The following ITGAL variants were observed in gnomAD, a reference collection of about 807,000 sequenced individuals.
The protein encoded by ITGAL is integrin subunit alpha L.
Under a neutral mutation model 138.4 loss-of-function variants are expected in ITGAL, and 68 were observed. The ratio of observed to expected loss-of-function variants is 0.49; its 90% CI spans 0.40 to 0.60. The LOEUF (loss-of-function observed/expected upper bound fraction) is 0.60, where lower values mean the gene tolerates loss of function less well. Ranked by LOEUF, ITGAL falls within the 20% of genes least tolerant of loss-of-function variation. The probability of loss-of-function intolerance (pLI) is 0.00; values close to 1 mark genes in which losing one functional copy is unlikely to be tolerated. For synonymous variants in ITGAL, 561 were observed against 584.3 expected (o/e 0.96, Z 0.57); for missense variants, 1,256 against 1,478.6 (o/e 0.85, Z 2.47).
intron 4 of ITGAL, among the ~76,000 whole-genome samples, chr16:30,476,236 G>A (rs2151141680): frequency 6.6e-6 from 1 of 151,556 alleles, no homozygotes; most frequent in East Asian, 1.9e-4. Context: ...GGGCGGCAGA[G>A]TGAAATTCCG....
rs181752314 is a variant in ITGAL, at chr16:30,494,608, C to T, written c.1366-105C>T. The T allele has an allele frequency of 2.2e-6, 3 of 1,373,828 alleles. No individual in the cohort carries two copies. Among genetic ancestry groups the T allele is most frequent in the Non-Finnish European group, 2.9e-6 (3 of 1,022,798 alleles). The allele number at this position is 1,373,828 out of a possible 1,614,324, so 85.1% of individuals were successfully genotyped here. On this transcript the variant is annotated intron_variant, in intron 12 of 30. Transcript: ENST00000356798. This position sits in a 1 kb window ranked among gnomAD's most constrained non-coding sequence, Gnocchi z 4.2. ...ACTAGGGGTGGATCCAAGATTGGAACCTGCATTTGAGGGAGTGGCACAAGA... is the reference window on the plus strand; with the variant it reads ...ACTAGGGGTGGATCCAAGATTGGAATCTGCATTTGAGGGAGTGGCACAAGA...
In ITGAL at chr16:30,494,368, G is replaced by A. The variant is rs1597082229; in HGVS notation, c.1365+5G>A. ...CAGACAATCCATGGGACCCAGGTGC[G>A]CCCAGTCCGAGGGCATCTGCAGACC... On this transcript the variant is annotated splice_donor_5th_base_variant and intron_variant, in intron 12 of 30. Coordinates refer to ENST00000356798, the MANE Select transcript of ITGAL (RefSeq NM_002209.3). The surrounding 1 kb of genome is among the most constrained non-coding windows in gnomAD (Gnocchi z 4.2). 1.9e-6 allele frequency: 3 copies of A among 1,599,274 alleles called. No homozygotes were observed. The highest frequency in any genetic ancestry group is 2.2e-5 in the East Asian group (1 of 44,514).
In ITGAL at chr16:30,481,519, T is replaced by C. The variant is rs1314716686; in HGVS notation, c.657T>C (p.Ala219=). The C allele has an allele frequency of 1.9e-6, 3 of 1,613,620 alleles. 1 individual carries two copies. In the South Asian group the frequency reaches 3.3e-5, roughly 18 times the overall value. Residue 219 remains alanine, a synonymous_variant, in exon 7 of 31, where the codon GCT becomes GCC. Transcript: ENST00000356798. ...ATGTTAAACGGAAGGACCCTGATGC[T>C]CTGCTGAAGCATGTAAAGCACATGT... ...SDYVKRKDPD[A]LLKHVKHMLL...
chr16:30,482,935 T>G (rs1182806590), intron 7 of ITGAL, among the ~76,000 whole-genome samples: 13 of 152,072 alleles, frequency 8.5e-5, no homozygotes, highest in Admixed American at 8.5e-4. Context: ...CAAGCGATCC[T>G]CCTGTCTCAG....
rs377238411 is a variant in ITGAL, at chr16:30,517,692, C to T, written c.3020C>T (p.Pro1007Leu). 66 of 1,613,896 alleles carry T rather than the reference C, an allele frequency of 4.1e-5. No individual in the cohort carries two copies. Among genetic ancestry groups the T allele is most frequent in the Middle Eastern group, 1.6e-4 (1 of 6,082 alleles). ...PCHYEDLERL[P>L]DAAEPCLPGA... The stretch of plus-strand genomic sequence containing the variant: ...CACTATGAGGATCTGGAGAGGCTCC[C>T]GGATGCAGCTGAGGTATGGGCGTGT... The change falls in exon 27 of 31, where the codon CCG becomes CTG. Residue 1007 changes from proline to leucine, a missense_variant. This residue lies in a region of ITGAL where 867 missense variants were observed against 972.5 expected (regional missense o/e 0.89). Transcript: ENST00000356798.
At chr16:30,495,721 T>TCTGG (rs2050789463) in intron 13 of ITGAL, among the ~76,000 whole-genome samples, 1 of 152,068 alleles carries the variant, frequency 6.6e-6, no homozygotes, top group South Asian at 2.1e-4. Context: ...TGGTGGTACA[T>TCTGG]ACCTGTAGTC....
intron 1 of ITGAL, 44 bp from the exon 2 acceptor site, chr16:30,474,152 G>T (rs753780029): frequency 1.5e-5 from 21 of 1,430,696 alleles, no homozygotes; most frequent in Non-Finnish European, 1.5e-5. Context: ...ACGTGCAGGG[G>T]CGGGGGTCCC....
intron 7 of ITGAL, among the ~76,000 whole-genome samples, chr16:30,482,733 T>C (rs1219884610): frequency 6.6e-6 from 1 of 152,098 alleles, no homozygotes; most frequent in Non-Finnish European, 1.5e-5. Flanking sequence ...CAGGTGTTCA[T>C]GGGTAAGACG....
chr16:30,475,734 CTTTTTTT>C (rs35994365), intron 4 of ITGAL, among the ~76,000 whole-genome samples, 154 bp downstream of exon 4: 5 of 81,308 alleles, frequency 6.1e-5, no homozygotes, highest in Non-Finnish European at 9.7e-5. Flanking sequence ...ATGAACCAGC[CTTTTTTT>C]TTTTTTTTTT....
chr16:30,481,461 C>T lies in ITGAL; in HGVS notation c.599C>T (p.Thr200Ile), dbSNP rs943745977. ...SYQFAAVQFS[T>I]SYKTEFDFSD... ...TAGTTTGCTGCTGTTCAGTTTTCCA[C>T]AAGCTACAAAACAGAATTTGATTTC... Residue 200 changes from threonine (T) to isoleucine (I), a missense_variant, in exon 7 of 31, where the codon ACA (threonine) becomes ATA (isoleucine). Transcript: ENST00000356798. The T allele has an allele frequency of 1.2e-6, 2 of 1,610,960 alleles. No homozygotes were observed. Among genetic ancestry groups the T allele is most frequent in the Non-Finnish European group, 1.7e-6 (2 of 1,178,520 alleles).
intron 9 of ITGAL, chr16:30,488,783 C>G (rs1288969218): frequency 2.5e-6 from 1 of 407,178 alleles, no homozygotes; most frequent in South Asian, 2.3e-5. Flanking sequence ...AGGCTAAGCC[C>G]GGAGGGTTGC....
chr16:30,517,188 G>A (rs1347436973), intron 26 of ITGAL, 102 bp downstream of exon 26: 1 of 763,452 alleles, frequency 1.3e-6, no homozygotes, highest in Non-Finnish European at 2.2e-6. Flanking sequence ...CGGTGGCTCT[G>A]CCTCCCAAAT....
chr16:30,484,716 C>T (rs753068019), intron 9 of ITGAL, among the ~76,000 whole-genome samples: 15 of 151,162 alleles, frequency 9.9e-5, no homozygotes, highest in South Asian at 2.1e-4. Context: ...GTCAGGAGTT[C>T]GAGACCAGCC....
chr16:30,478,985 G>A (rs1597064469), intron 4 of ITGAL, 106 bp from the exon 5 acceptor site: 3 of 817,354 alleles, frequency 3.7e-6, no homozygotes, highest in African/African-American at 3.4e-5. Flanking sequence ...GATAGAGGAA[G>A]TGAGAAAGAG....
chr16:30,485,296 T>TGCTCACTGCAGTGCAGTGGCGCAGTCTCG (rs1361235602), intron 9 of ITGAL, among the ~76,000 whole-genome samples: 5 of 151,664 alleles, frequency 3.3e-5, no homozygotes, highest in East Asian at 3.9e-4. Flanking sequence ...GCGCAGTCTC[T>TGCTCACTGCAGTGCAGTGGCGCAGTCTCG]GCTCACTGCA....
chr16:30,501,384 T>C (rs2050895126), intron 17 of ITGAL, among the ~76,000 whole-genome samples: 1 of 151,996 alleles, frequency 6.6e-6, no homozygotes, highest in Non-Finnish European at 1.5e-5. Flanking sequence ...AAGACCAGCC[T>C]GGCCAACATG....
intron 30 of ITGAL, among the ~76,000 whole-genome samples, chr16:30,520,206 G>A (rs1380332278): frequency 6.6e-6 from 1 of 152,214 alleles, no homozygotes; most frequent in Admixed American, 6.5e-5. Flanking sequence ...GGCCGAGGCA[G>A]GTGGATCACG....
At position 30,494,484 on chromosome 16, in the gene ITGAL, C is replaced by A; in HGVS notation, c.1365+121C>A. ...GCAGCCCCTGTGCTAAACATGATCA[C>A]ATTTATCCCTCATAACACACAGAGG... On this transcript the variant is annotated intron_variant, in intron 12 of 30. Coordinates refer to ENST00000356798, the MANE Select transcript of ITGAL (RefSeq NM_002209.3). This position sits in a 1 kb window ranked among gnomAD's most constrained non-coding sequence, Gnocchi z 4.2. The A allele has an allele frequency of 8.5e-7, 1 of 1,182,332 alleles. No individual in the cohort carries two copies. The highest frequency in any genetic ancestry group is 1.2e-6 in the Non-Finnish European group (1 of 855,296). 73.2% of individuals were successfully genotyped at this position (1,182,332 alleles called of 1,614,324 possible).
At chr16:30,496,054 T>C in intron 13 of ITGAL, 43 bp from the exon 14 acceptor site, 1 of 1,479,508 alleles carries the variant, frequency 6.8e-7, no homozygotes, top group Non-Finnish European at 9.4e-7. Flanking sequence ...TGTGACAGCA[T>C]GCTGAGTGAC....
Sources: gnomAD v4.1 joint callset for allele counts (sites outside exome capture counted in the v4.1 genomes callset) on GRCh38, gnomAD v4.1.1 for gene constraint, gnomAD v4.1.1 regional missense constraint, Gnocchi (gnomAD v3.1) non-coding constraint, MANE v1.5 for transcripts, NCBI Gene and HGNC (gene_info 2026-07-23, HGNC 2026-07-21) for gene names.